The following RAB11FIP3 variants were observed in gnomAD, a reference collection of about 807,000 sequenced individuals.
The protein encoded by RAB11FIP3 is rab11 family-interacting protein 3.
RAB11FIP3 carries 17 observed loss-of-function variants against 77.8 expected under a neutral mutation model. That is an observed-to-expected ratio of 0.22 (90% CI 0.15 to 0.33). RAB11FIP3 has a LOEUF of 0.33. RAB11FIP3 is among the 10% of genes least tolerant of loss of function. The probability of loss-of-function intolerance (pLI) is 1.00; values close to 1 mark genes in which losing one functional copy is unlikely to be tolerated. For synonymous variants in RAB11FIP3, 437 were observed against 448.2 expected, an observed-to-expected ratio of 0.98 and a Z score of 0.31; for missense variants, 1,005 against 1,011.2, an observed-to-expected ratio of 0.99 and a Z score of 0.08.
intron 3 of RAB11FIP3, among the ~76,000 whole-genome samples, chr16:475,322 C>T (rs542702251): frequency 6.6e-6 from 1 of 152,370 alleles, no homozygotes; most frequent in South Asian, 2.1e-4. Context: ...CTTTGATTTT[C>T]AAGCGAGTTC....
intron 5 of RAB11FIP3, among the ~76,000 whole-genome samples, chr16:494,273 G>C (rs1255459777): frequency 2.0e-5 from 3 of 151,464 alleles, no homozygotes; most frequent in East Asian, 3.9e-4. Context: ...ACTGAACGAT[G>C]AGTCTGTCCT....
intron 5 of RAB11FIP3, among the ~76,000 whole-genome samples, chr16:493,537 G>A (rs1280564399): frequency 6.6e-6 from 1 of 152,164 alleles, no homozygotes; most frequent in African/African-American, 2.4e-5. Context: ...CATTTTCCAG[G>A]TACCCTGCAG....
intron 1 of RAB11FIP3, among the ~76,000 whole-genome samples, chr16:450,875 C>T (rs2055396746): frequency 7.3e-6 from 1 of 136,632 alleles, no homozygotes; most frequent in African/African-American, 2.6e-5. Flanking sequence ...AGCTGCTCAC[C>T]TTCCCCTCGC....
chr16:446,671 G>T (rs1160396043), intron 1 of RAB11FIP3, among the ~76,000 whole-genome samples: 1 of 151,942 alleles, frequency 6.6e-6, no homozygotes. Context: ...TTTCCATATA[G>T]TCCTTTTTAT....
chr16:507,239 G>A lies in RAB11FIP3; in HGVS notation c.1499+1612G>A, dbSNP rs2031921679. The stretch of plus-strand genomic sequence containing the variant: ...CGATTCTTCTGCCTCAGCCTCCTGA[G>A]TAGCTGGGACTTGCAGGCATGCACC... On this transcript the variant is annotated intron_variant, in intron 8 of 13. Transcript: ENST00000262305. This position sits in a 1 kb window ranked among gnomAD's most constrained non-coding sequence, Gnocchi z 4.6. Among the ~76,000 whole-genome samples, 2 of 152,036 alleles carry A rather than the reference G, an allele frequency of 1.3e-5. No homozygotes were observed. The highest frequency in any genetic ancestry group is 4.1e-4 in the South Asian group (2 of 4,830).
rs755675032 is a variant in RAB11FIP3 at position 426,557 on chromosome 16, C to T, written c.551C>T (p.Pro184Leu). ...CAAGGTCCCGGGTCCCCGCCGCAGC[C>T]CTCGGACCTCAGCCAGACCCACCCC... ...LEQGPGSPPQ[P>L]SDLSQTHPLP... The change falls in exon 1 of 14, where the codon CCC (proline) becomes CTC (leucine). Residue 184 changes from proline (P) to leucine (L), a missense_variant. By Grantham distance (98) the Pro-to-Leu change is moderately conservative. Around this residue, in one of 4 missense-constraint regions of RAB11FIP3, gnomAD observed 466 missense variants for 408.3 expected, o/e 1.14. Coordinates refer to ENST00000262305, the MANE Select transcript of RAB11FIP3 (RefSeq NM_014700.4). This position sits in a 1 kb window ranked among gnomAD's most constrained non-coding sequence, Gnocchi z 5.0. 4 of 1,586,488 alleles carry T rather than the reference C, an allele frequency of 2.5e-6. No homozygotes were observed. In the African/African-American group the frequency reaches 4.1e-5, roughly 16 times the overall value.
intron 1 of RAB11FIP3, among the ~76,000 whole-genome samples, chr16:431,851 G>T (rs376804062): frequency 1.3e-5 from 2 of 151,688 alleles, no homozygotes; most frequent in East Asian, 3.9e-4. Flanking sequence ...CCGCCTCCCG[G>T]GTTTATGCCA....
At chr16:428,694 C>G (rs1341586777) in intron 1 of RAB11FIP3, among the ~76,000 whole-genome samples, 2 of 152,126 alleles carry the variant, frequency 1.3e-5, no homozygotes, top group Non-Finnish European at 2.9e-5. Flanking sequence ...TTAGATGCCT[C>G]TTCTTAGATG....
At position 426,404 on chromosome 16, in the gene RAB11FIP3, G is replaced by C; in HGVS notation, c.398G>C (p.Gly133Ala). The C allele has an allele frequency of 6.3e-7, 1 of 1,582,574 alleles. No homozygotes were observed. ...FSWTEEPEEC[G>A]PASCPESAPF... ...TGGACTGAGGAGCCCGAGGAGTGTG[G>C]CCCCGCGAGCTGCCCGGAGAGCGCG... The change falls in exon 1 of 14, where the codon GGC becomes GCC. Residue 133 changes from glycine (G) to alanine (A), a missense_variant. By Grantham distance (60) the Gly-to-Ala change is moderately conservative. This residue lies in a region of RAB11FIP3 where 466 missense variants were observed against 408.3 expected (regional missense o/e 1.14). Coordinates refer to ENST00000262305, the MANE Select transcript of RAB11FIP3 (RefSeq NM_014700.4). This position sits in a 1 kb window ranked among gnomAD's most constrained non-coding sequence, Gnocchi z 5.0.
intron 1 of RAB11FIP3, among the ~76,000 whole-genome samples, chr16:444,101 C>T (rs933986587): frequency 1.3e-5 from 2 of 152,136 alleles, no homozygotes; most frequent in Admixed American, 6.6e-5. Context: ...TCTTTCTCAA[C>T]CTGTGCATGG....
At chr16:483,137 G>A (rs759859184) in intron 4 of RAB11FIP3, among the ~76,000 whole-genome samples, 2 of 152,114 alleles carry the variant, frequency 1.3e-5, no homozygotes, top group Admixed American at 1.3e-4. Context: ...CCCGTATTTC[G>A]AGCTAGTTGG....
intron 5 of RAB11FIP3, among the ~76,000 whole-genome samples, chr16:492,369 GAGA>G (rs1325727842): frequency 6.9e-6 from 1 of 145,024 alleles, no homozygotes; most frequent in East Asian, 2.0e-4. Flanking sequence ...GTCTTCCCGG[GAGA>G]CCCGAGGCCG....
At chr16:495,592 T>A (rs987379333) in intron 5 of RAB11FIP3, among the ~76,000 whole-genome samples, 13 of 152,166 alleles carry the variant, frequency 8.5e-5, no homozygotes. Context: ...TCCTGCTGTG[T>A]TCACTCCTCG....
chr16:493,081 T>C (rs2030734743), intron 5 of RAB11FIP3, among the ~76,000 whole-genome samples: 1 of 151,876 alleles, frequency 6.6e-6, no homozygotes, highest in African/African-American at 2.4e-5. Context: ...CGAAACCCTG[T>C]CTCTACTAAA....
chr16:500,451 G>T (rs966367296), intron 6 of RAB11FIP3, among the ~76,000 whole-genome samples: 14 of 152,022 alleles, frequency 9.2e-5, no homozygotes, highest in African/African-American at 3.4e-4. Flanking sequence ...GGGGGGCCGA[G>T]GCGCACAGAT....
At position 472,899 on chromosome 16, in the gene RAB11FIP3, G is replaced by A. The variant is rs28427325; in HGVS notation, c.903+1510G>A. Reference sequence around the variant, plus strand: ...CCAGTGACAGGTGTCCCTGGAAGACGGGAGAGACACACAGGGGGAAGACCA... The same window carrying A: ...CCAGTGACAGGTGTCCCTGGAAGACAGGAGAGACACACAGGGGGAAGACCA... On this transcript the variant is annotated intron_variant, in intron 3 of 13. Coordinates refer to ENST00000262305, the MANE Select transcript of RAB11FIP3 (RefSeq NM_014700.4). The surrounding 1 kb of genome is among the most constrained non-coding windows in gnomAD (Gnocchi z 4.1). Among the ~76,000 whole-genome samples the A allele has an allele frequency of 1.3e-4, 20 of 152,264 alleles. No homozygotes were observed. Among genetic ancestry groups the A allele is most frequent in the African/African-American group, 4.8e-4 (20 of 41,562 alleles).
intron 4 of RAB11FIP3, 58 bp from the exon 5 acceptor site, chr16:488,793 C>A: frequency 1.3e-6 from 2 of 1,572,724 alleles, no homozygotes; most frequent in Non-Finnish European, 8.7e-7. Context: ...TCCACACCCT[C>A]AGCTCGGGGG....
Position 426,745 on chromosome 16 carries a change from G to A in RAB11FIP3, c.714+25G>A. 1 of 1,463,220 alleles carries A rather than the reference G, an allele frequency of 6.8e-7. No individual in the cohort carries two copies. Among genetic ancestry groups the A allele is most frequent in the Non-Finnish European group, 9.1e-7 (1 of 1,104,912 alleles). The allele number at this position is 1,463,220 out of a possible 1,614,324, so 90.6% of individuals were successfully genotyped here. A position where few individuals can be genotyped will look rare whatever the true frequency, so the allele number is the denominator to read the frequency against. ...GGTACGGAGCGGCCCGGGCCGGGGC[G>A]TGGGAACTGGGCAGGTGCGCGCTGG... On this transcript the variant is annotated intron_variant, in intron 1 of 13. Coordinates refer to ENST00000262305, the MANE Select transcript of RAB11FIP3 (RefSeq NM_014700.4). The surrounding 1 kb of genome is among the most constrained non-coding windows in gnomAD (Gnocchi z 5.0).
At chr16:457,353 G>C (rs539845316) in intron 1 of RAB11FIP3, among the ~76,000 whole-genome samples, 5 of 152,308 alleles carry the variant, frequency 3.3e-5, no homozygotes, top group Non-Finnish European at 5.9e-5. Context: ...CAGTGACTGA[G>C]TGGATTCTCC....
Sources: allele counts gnomAD v4.1 joint callset (sites outside exome capture counted in the v4.1 genomes callset), GRCh38; gene constraint gnomAD v4.1.1; regional missense constraint gnomAD v4.1.1; non-coding constraint Gnocchi (gnomAD v3.1); transcripts MANE v1.5; gene names NCBI Gene and HGNC (gene_info 2026-07-23, HGNC 2026-07-21).